ALOX5: variants seen among roughly 807,000 people sequenced by gnomAD.
ALOX5 encodes polyunsaturated fatty acid 5-lipoxygenase.
ALOX5 carries 64 observed loss-of-function variants against 87.9 expected under a neutral mutation model. That is an observed-to-expected ratio of 0.73 (90% confidence interval 0.60 to 0.90). The LOEUF is 0.90. Ranked by LOEUF, ALOX5 falls within the 40% of genes least tolerant of loss-of-function variation. ALOX5 has a pLI of 0.00. For missense variants in ALOX5, 822 were observed against 907.5 expected (o/e 0.91, Z 1.21); for synonymous variants, 388 against 355.1 (o/e 1.09, Z -1.04).
rs555318270 is a variant in ALOX5, at chr10:45,414,992, G to A, written c.554+2679G>A. 3.7e-3 allele frequency among the ~76,000 whole-genome samples: 565 copies of A among 152,344 alleles called. 2 individuals carry two copies. The highest frequency in any genetic ancestry group is 0.013 in the African/African-American group (526 of 41,574). ...ACACTTTTACACTGTTGGTGGGACT[G>A]TAAACTAGTTCAACCATTGTGGAAG... On this transcript the variant is annotated intron_variant, in intron 4 of 13. Coordinates refer to ENST00000374391, the MANE Select transcript of ALOX5 (RefSeq NM_000698.5).
chr10:45,419,434 CG>C (rs1479806048), intron 4 of ALOX5, among the ~76,000 whole-genome samples: 4 of 148,274 alleles, frequency 2.7e-5, no homozygotes, highest in African/African-American at 1.0e-4. Context: ...CGACAAGGGA[CG>C]GGGGAGAGGG....
chr10:45,402,086 C>A (rs78144243), intron 3 of ALOX5, among the ~76,000 whole-genome samples: 1,347 of 100,004 alleles, frequency 0.013, no homozygotes, highest in Non-Finnish European at 0.016. Context: ...GACTCCGTCT[C>A]AAAAAAAAAA....
intron 3 of ALOX5, among the ~76,000 whole-genome samples, chr10:45,410,022 G>A (rs922018535): frequency 4.6e-5 from 7 of 152,246 alleles, no homozygotes; most frequent in Admixed American, 1.3e-4. Context: ...TTCCACATCC[G>A]TCCAAGTGGA....
chr10:45,429,610 C>T (rs939846902), intron 7 of ALOX5, among the ~76,000 whole-genome samples: 1 of 152,144 alleles, frequency 6.6e-6, no homozygotes, highest in Non-Finnish European at 1.5e-5. Flanking sequence ...AACAAACCTT[C>T]TTTGAAGCAA....
At chr10:45,406,369 T>A (rs1219432303) in intron 3 of ALOX5, among the ~76,000 whole-genome samples, 1 of 152,258 alleles carries the variant, frequency 6.6e-6, no homozygotes, top group East Asian at 1.9e-4. Flanking sequence ...TTGGTTATCA[T>A]AACTTTCTAA....
chr10:45,405,638 G>C (rs1840853674), intron 3 of ALOX5, among the ~76,000 whole-genome samples: 1 of 151,956 alleles, frequency 6.6e-6, no homozygotes, highest in Non-Finnish European at 1.5e-5. Context: ...CTTTGCTTAA[G>C]AAAACCCTTT....
chr10:45,394,076 A>T (rs575693909), intron 2 of ALOX5, among the ~76,000 whole-genome samples: 1 of 152,322 alleles, frequency 6.6e-6, no homozygotes, highest in South Asian at 2.1e-4. Flanking sequence ...ACTACCAATG[A>T]CTTTCTTCTC....
intron 1 of ALOX5, among the ~76,000 whole-genome samples, chr10:45,378,806 G>A (rs748789335): frequency 6.6e-6 from 1 of 152,152 alleles, no homozygotes; most frequent in Non-Finnish European, 1.5e-5. Context: ...TCATATTCAG[G>A]CTTGAAGCCA....
Position 45,422,168 on chromosome 10 carries a change from C to G in ALOX5, c.555-1873C>G, listed in dbSNP as rs999083922. ...CTCTTGCTTATCCTAGGAGTTCCCC[C>G]CTGTGGTTGCTCCAGTTTGCTGCCT... is the stretch of plus-strand genomic sequence containing the variant. On this transcript the variant is annotated intron_variant, in intron 4 of 13. Transcript: ENST00000374391. Among the ~76,000 whole-genome samples the G allele has an allele frequency of 7.2e-5, 11 of 152,182 alleles. No individual in the cohort carries two copies. The East Asian group carries it at 1.5e-3, about 21-fold the overall frequency.
chr10:45,377,555 A>G (rs1839665260), intron 1 of ALOX5, among the ~76,000 whole-genome samples: 1 of 149,932 alleles, frequency 6.7e-6, no homozygotes, highest in African/African-American at 2.5e-5. Context: ...CTCCCTATCC[A>G]CTACCCCAAT....
At chr10:45,412,607 C>G (rs1437425872) in intron 4 of ALOX5, among the ~76,000 whole-genome samples, 1 of 152,236 alleles carries the variant, frequency 6.6e-6, no homozygotes, top group Non-Finnish European at 1.5e-5. Context: ...ATCTCATGCT[C>G]TCTATGGCCA....
rs1466618209 is a variant in ALOX5 at position 45,386,707 on chromosome 10, A to G, written c.349+4026A>G. Among the ~76,000 whole-genome samples the G allele has an allele frequency of 2.0e-5, 3 of 152,244 alleles. 1 individual carries two copies. The highest frequency in any genetic ancestry group is 4.8e-5 in the African/African-American group (2 of 41,468). ...GTTGAAAAGTAAGTTTTAAAACACAATGCTTTACCACGAGAGCTAGAGAAA... is the reference window on the plus strand; with the variant it reads ...GTTGAAAAGTAAGTTTTAAAACACAGTGCTTTACCACGAGAGCTAGAGAAA... On this transcript the variant is annotated intron_variant, in intron 2 of 13. Transcript: ENST00000374391.
At chr10:45,424,535 G>A (rs1564439178) in intron 5 of ALOX5, among the ~76,000 whole-genome samples, 1 of 152,196 alleles carries the variant, frequency 6.6e-6, no homozygotes. Context: ...ACTAGGATGT[G>A]TTTGATGAGA....
At chr10:45,409,348 CTT>C (rs1477920018) in intron 3 of ALOX5, among the ~76,000 whole-genome samples, 2 of 152,176 alleles carry the variant, frequency 1.3e-5, no homozygotes, top group Non-Finnish European at 2.9e-5. Flanking sequence ...TTGTCTAAAG[CTT>C]TTCTTTTAAT....
In ALOX5 at chr10:45,441,418, C is replaced by G. The variant is rs776258949; in HGVS notation, c.1260C>G (p.Gly420=). 84 of 1,613,420 alleles carry G rather than the reference C, an allele frequency of 5.2e-5. No homozygotes were observed. The East Asian group carries it at 1.8e-3, about 35-fold the overall frequency. ...GTGAGCAGCTCATCTGCGAGTGTGG[C>G]CTCTTTGACAAGGTGGGTGCCCTCC... The part of the protein sequence containing the change: ...KAREQLICEC[G]LFDKANATGG... Residue 420 remains glycine (G), a synonymous_variant, in exon 9 of 14, where the codon GGC becomes GGG. Coordinates refer to ENST00000374391, the MANE Select transcript of ALOX5 (RefSeq NM_000698.5).
At position 45,443,150 on chromosome 10, in the gene ALOX5, G is replaced by A; in HGVS notation, c.1385G>A (p.Ser462Asn). The A allele has an allele frequency of 1.2e-6, 2 of 1,613,880 alleles. No homozygotes were observed. Among genetic ancestry groups the A allele is most frequent in the South Asian group, 2.2e-5 (2 of 91,086 alleles). The change falls in exon 10 of 14, where the codon AGC (serine) becomes AAC (asparagine). Residue 462 changes from serine to asparagine, a missense_variant. Physicochemically the swap from Ser to Asn is conservative, Grantham distance 46. Transcript: ENST00000374391. ...PEAIKARGME[S>N]KEDIPYYFYR... is the part of the protein sequence containing the mutation. ...GCCATCAAGGCCCGGGGCATGGAGA[G>A]CAAAGAAGACATCCCCTACTACTTC...
intron 4 of ALOX5, among the ~76,000 whole-genome samples, chr10:45,414,360 G>A (rs1841187506): frequency 6.6e-6 from 1 of 152,200 alleles, no homozygotes. Flanking sequence ...TTTAATAAAT[G>A]GTGCTGGGAA....
At chr10:45,427,023 G>C (rs138105331) in intron 6 of ALOX5, among the ~76,000 whole-genome samples, 89 of 152,306 alleles carry the variant, frequency 5.8e-4, no homozygotes, top group Non-Finnish European at 1.0e-3. Context: ...ACCTAGAGGG[G>C]ACAGGGACTC....
At chr10:45,375,132 G>A (rs1839552062) in intron 1 of ALOX5, among the ~76,000 whole-genome samples, 1 of 152,190 alleles carries the variant, frequency 6.6e-6, no homozygotes, top group Non-Finnish European at 1.5e-5. Flanking sequence ...GAAATTAAAG[G>A]GAAGGAACAG....
Sources: allele counts gnomAD v4.1 joint callset (sites outside exome capture counted in the v4.1 genomes callset), GRCh38; gene constraint gnomAD v4.1.1; transcripts MANE v1.5; gene names NCBI Gene and HGNC (gene_info 2026-07-23, HGNC 2026-07-21).